Variants in TRPM1 observed in about 807,000 individuals in gnomAD.
The protein encoded by TRPM1 is transient receptor potential cation channel subfamily M member 1.
TRPM1 carries 113 observed loss-of-function variants against 149.4 expected under a neutral mutation model. The ratio of observed to expected loss-of-function variants is 0.76; its 90% CI spans 0.65 to 0.88. TRPM1 has a LOEUF of 0.88. TRPM1 is among the 40% of genes least tolerant of loss of function. TRPM1 has a pLI of 0.00. For synonymous variants in TRPM1, 741 were observed against 759.5 expected, an observed-to-expected ratio of 0.98 and a Z score of 0.40; for missense variants, 1,976 against 2,038.7, an observed-to-expected ratio of 0.97 and a Z score of 0.59.
rs11636121 is a variant in TRPM1, at chr15:31,046,948, A to C, written c.1764+163T>G. On this transcript the variant is annotated intron_variant, in intron 15 of 27. Coordinates refer to ENST00000256552, the MANE Select transcript of TRPM1 (RefSeq NM_001252024.2). Reference sequence around the variant, plus strand: ...GGCGGCCCGTGCTCAGGGGAGCTGGAGAATGCCGTGGCTCTGGCCTGAGAG... The same window carrying C: ...GGCGGCCCGTGCTCAGGGGAGCTGGCGAATGCCGTGGCTCTGGCCTGAGAG... Among the ~76,000 whole-genome samples the C allele has an allele frequency of 0.54, 82,145 of 152,094 alleles. 23,435 individuals carry two copies. The highest frequency in any genetic ancestry group is 0.94 in the East Asian group (4,880 of 5,182).
At chr15:31,143,955 T>C (rs1298478038) in intron 1 of TRPM1, among the ~76,000 whole-genome samples, 1 of 152,204 alleles carries the variant, frequency 6.6e-6, no homozygotes, top group African/African-American at 2.4e-5. Context: ...ATTAGAAACA[T>C]TGGTTATACT....
chr15:31,158,879 T>C (rs1352079264), intron 1 of TRPM1, among the ~76,000 whole-genome samples: 2 of 152,152 alleles, frequency 1.3e-5, no homozygotes, highest in Non-Finnish European at 2.9e-5. Flanking sequence ...TCTCCAGATA[T>C]CCAGATATCT....
intron 11 of TRPM1, among the ~76,000 whole-genome samples, chr15:31,054,491 C>T (rs867605529): frequency 3.9e-4 from 59 of 152,022 alleles, no homozygotes; most frequent in Non-Finnish European, 8.2e-4. Flanking sequence ...GACGGGGTTT[C>T]ACCATGTTGG....
At chr15:31,061,128 C>T (rs1304129236) in intron 10 of TRPM1, among the ~76,000 whole-genome samples, 2 of 152,244 alleles carry the variant, frequency 1.3e-5, no homozygotes, top group Non-Finnish European at 2.9e-5. Context: ...GGACAGAACA[C>T]TGCGGAATGC....
chr15:31,067,841 G>T, intron 5 of TRPM1, 38 bp downstream of exon 5: 1 of 1,598,992 alleles, frequency 6.3e-7, no homozygotes, highest in East Asian at 2.2e-5. Context: ...GTTCTGGGTG[G>T]TACATTGATT....
At chr15:31,022,511 CA>C (rs2032583885) in intron 27 of TRPM1, among the ~76,000 whole-genome samples, 1 of 152,128 alleles carries the variant, frequency 6.6e-6, no homozygotes, top group South Asian at 2.1e-4. Context: ...GTTCTTATCC[CA>C]CCAGCCCTCA....
intron 27 of TRPM1, among the ~76,000 whole-genome samples, chr15:31,009,050 C>T (rs1037650822): frequency 5.3e-5 from 8 of 151,994 alleles, no homozygotes; most frequent in Non-Finnish European, 1.2e-4. Context: ...GGTATCATTT[C>T]CTTCTGTCTG....
Position 31,136,749 on chromosome 15 carries a change from C to CTTTTTTTTTTTTTTTTT in TRPM1, c.54+24156_54+24157insAAAAAAAAAAAAAAAAA, listed in dbSNP as rs60370849. ...TCTGCTTTCCTCAGCCGCCCCCACCCTTTTTTTTTTTTTTGCCTATAAAGC... is the reference window on the plus strand; with the variant it reads ...TCTGCTTTCCTCAGCCGCCCCCACCCTTTTTTTTTTTTTTTTTTTTTTTTTTTTTTTGCCTATAAAGC... On this transcript the variant is annotated intron_variant, in intron 1 of 26. Transcript: ENST00000542188. Among the ~76,000 whole-genome samples, 2 of 137,860 alleles carry CTTTTTTTTTTTTTTTTT rather than the reference C, an allele frequency of 1.5e-5. 1 individual carries two copies. Among genetic ancestry groups the CTTTTTTTTTTTTTTTTT allele is most frequent in the African/African-American group, 5.4e-5 (2 of 37,346 alleles). 90.4% of individuals were successfully genotyped at this position (137,860 alleles called of 152,430 possible).
chr15:31,049,154 T>C (rs1371361536), intron 13 of TRPM1, among the ~76,000 whole-genome samples: 1 of 152,122 alleles, frequency 6.6e-6, no homozygotes, highest in Non-Finnish European at 1.5e-5. Flanking sequence ...CAAGAGTTAA[T>C]ACTGCCTGAG....
At chr15:31,107,535 A>G (rs1285784709) in intron 1 of TRPM1, among the ~76,000 whole-genome samples, 1 of 151,524 alleles carries the variant, frequency 6.6e-6, no homozygotes, top group Non-Finnish European at 1.5e-5. Flanking sequence ...AATTTCTTCT[A>G]TTGTTTTTCT....
chr15:31,064,066 C>A (rs2034306008), intron 7 of TRPM1, among the ~76,000 whole-genome samples: 1 of 152,250 alleles, frequency 6.6e-6, no homozygotes, highest in South Asian at 2.1e-4. Flanking sequence ...CCTTATGACA[C>A]TGGGCCAATC....
chr15:31,004,273 C>A (rs1399987507), intron 27 of TRPM1, among the ~76,000 whole-genome samples: 1 of 152,122 alleles, frequency 6.6e-6, no homozygotes, highest in Non-Finnish European at 1.5e-5. Context: ...TGGCTCTCCT[C>A]TTATCCATCC....
intron 15 of TRPM1, among the ~76,000 whole-genome samples, chr15:31,046,750 G>T (rs1159112971): frequency 1.3e-5 from 2 of 152,212 alleles, no homozygotes; most frequent in Admixed American, 6.5e-5. Context: ...AGGCAGTGAG[G>T]AGCTCTGGGA....
intron 1 of TRPM1, among the ~76,000 whole-genome samples, chr15:31,147,625 C>T (rs1308745234): frequency 2.0e-5 from 3 of 152,222 alleles, no homozygotes; most frequent in Admixed American, 2.0e-4. Flanking sequence ...TTAGCTGCTC[C>T]TGCAGTCCCC....
intron 27 of TRPM1, among the ~76,000 whole-genome samples, chr15:31,006,281 G>A (rs999168207): frequency 3.9e-5 from 6 of 152,056 alleles, no homozygotes; most frequent in Admixed American, 3.9e-4. Flanking sequence ...AGGTTCAAGC[G>A]ATTCTCCTGC....
intron 1 of TRPM1, among the ~76,000 whole-genome samples, chr15:31,123,826 G>T (rs928834437): frequency 6.6e-6 from 1 of 152,090 alleles, no homozygotes; most frequent in African/African-American, 2.4e-5. Context: ...CCAGAAAATG[G>T]GCTCCTAGGC....
upstream of TRPM1, among the ~76,000 whole-genome samples, chr15:31,104,182 G>T (rs1427093416): frequency 6.6e-6 from 1 of 152,124 alleles, no homozygotes; most frequent in Admixed American, 6.5e-5. Flanking sequence ...CCTCATGGGG[G>T]AGCCATGAGG....
rs575022664 is a variant in TRPM1, at chr15:31,039,258, C to T, written c.2316+860G>A. Reference sequence around the variant, plus strand: ...AATTTGATGTTCATCCCCATGTAGGCGATCTACTTTAGTTTCCTGAAAACC... The same window carrying T: ...AATTTGATGTTCATCCCCATGTAGGTGATCTACTTTAGTTTCCTGAAAACC... On this transcript the variant is annotated intron_variant, in intron 18 of 27. Coordinates refer to ENST00000256552, the MANE Select transcript of TRPM1 (RefSeq NM_001252024.2). Among the ~76,000 whole-genome samples the T allele has an allele frequency of 1.5e-4, 23 of 152,196 alleles. No individual in the cohort carries two copies. In the East Asian group the frequency reaches 3.3e-3, roughly 22 times the overall value.
intron 1 of TRPM1, among the ~76,000 whole-genome samples, chr15:31,121,634 T>C (rs1336111209): frequency 6.6e-6 from 1 of 152,174 alleles, no homozygotes; most frequent in South Asian, 2.1e-4. Flanking sequence ...GAGAAATAGG[T>C]CGCCTGAATA....
Sources: gnomAD v4.1 joint callset for allele counts (sites outside exome capture counted in the v4.1 genomes callset) on GRCh38, gnomAD v4.1.1 for gene constraint, MANE v1.5 for transcripts, NCBI Gene and HGNC (gene_info 2026-07-23, HGNC 2026-07-21) for gene names.